The following GPR158 variants were observed in gnomAD, a reference collection of about 807,000 sequenced individuals.
GPR158 encodes the protein metabotropic glycine receptor.
GPR158 carries 30 observed loss-of-function variants against 78.2 expected under a neutral mutation model. The observed-to-expected ratio is 0.38, with a 90% confidence interval of 0.29 to 0.52. The LOEUF (loss-of-function observed/expected upper bound fraction) is 0.52, where lower values mean the gene tolerates loss of function less well. Among genes scored for constraint, GPR158 ranks in the 20% least tolerant of loss-of-function variants. The pLI is 0.83. For synonymous variants in GPR158, 581 were observed against 591.1 expected, an observed-to-expected ratio of 0.98 and a Z score of 0.25; for missense variants, 1,463 against 1,523.5, an observed-to-expected ratio of 0.96 and a Z score of 0.66.
At chr10:25,185,844 T>G (rs2130634224) in intron 1 of GPR158, among the ~76,000 whole-genome samples, 1 of 152,060 alleles carries the variant, frequency 6.6e-6, no homozygotes. Flanking sequence ...CTTGTTAACT[T>G]TCTGTCTCGT....
chr10:25,310,849 G>C (rs746469967), intron 2 of GPR158, among the ~76,000 whole-genome samples: 1 of 151,968 alleles, frequency 6.6e-6, no homozygotes, highest in Non-Finnish European at 1.5e-5. Flanking sequence ...TGTAAGAGTT[G>C]TATTTATGTC....
At chr10:25,267,951 CT>C (rs769776457) in intron 2 of GPR158, among the ~76,000 whole-genome samples, 243 of 152,136 alleles carry the variant, frequency 1.6e-3, no homozygotes, top group Middle Eastern at 3.4e-3. Context: ...AGTTGTTACT[CT>C]TAATTTTATT....
intron 1 of GPR158, among the ~76,000 whole-genome samples, chr10:25,181,497 G>C (rs766437320): frequency 6.6e-6 from 1 of 152,108 alleles, no homozygotes; most frequent in Non-Finnish European, 1.5e-5. Context: ...CATTATGAAG[G>C]CTTGTGATGG....
At chr10:25,537,317 T>C (rs187713675) in intron 5 of GPR158, among the ~76,000 whole-genome samples, 34 of 152,304 alleles carry the variant, frequency 2.2e-4, no homozygotes, top group African/African-American at 8.2e-4. Flanking sequence ...CCTAATAAGA[T>C]TATCTTATTT....
rs558281200 is a variant in GPR158 at position 25,175,641 on chromosome 10, T to C, written c.221T>C (p.Leu74Pro). ...STDGTILAQKLAEEVPMDVAS... is the reference protein window; with the variant it reads ...STDGTILAQKPAEEVPMDVAS... ...GATGGCACCATCTTGGCGCAGAAAC[T>C]CGCCGAGGAGGTGCCCATGGACGTG... Residue 74 changes from leucine (L) to proline (P), a missense_variant, in exon 1 of 11, where the codon CTC becomes CCC. Coordinates refer to ENST00000376351, the MANE Select transcript of GPR158 (RefSeq NM_020752.3). This position sits in a 1 kb window ranked among gnomAD's most constrained non-coding sequence, Gnocchi z 6.4. 3 of 1,611,222 alleles carry C rather than the reference T, an allele frequency of 1.9e-6. No homozygotes were observed. The highest frequency in any genetic ancestry group is 2.2e-5 in the South Asian group (2 of 91,068).
At chr10:25,216,470 T>G (rs1161495899) in intron 1 of GPR158, among the ~76,000 whole-genome samples, 1 of 151,174 alleles carries the variant, frequency 6.6e-6, no homozygotes, top group Non-Finnish European at 1.5e-5. Context: ...GGGTATTTTT[T>G]GGGGGTGGGG....
Position 25,212,594 on chromosome 10 carries a change from T to G in GPR158, c.903-8458T>G, listed in dbSNP as rs1853147620. ...TCAAAATTTTTCCATAGAGGTTTTG[T>G]GTATTCTTACTTAACTACTAGAGAA... On this transcript the variant is annotated intron_variant, in intron 1 of 10. Transcript: ENST00000376351. 2.0e-5 allele frequency among the ~76,000 whole-genome samples: 3 copies of G among 151,998 alleles called. No individual in the cohort carries two copies. In the South Asian group the frequency reaches 6.2e-4, roughly 32 times the overall value.
chr10:25,469,934 G>A (rs535201783), intron 5 of GPR158, among the ~76,000 whole-genome samples: 11 of 151,442 alleles, frequency 7.3e-5, no homozygotes, highest in South Asian at 4.2e-4. Context: ...CATGCTAGCC[G>A]CCTAGAATCT....
At chr10:25,393,027 G>A (rs1678936322) in intron 2 of GPR158, among the ~76,000 whole-genome samples, 2 of 152,060 alleles carry the variant, frequency 1.3e-5, no homozygotes, top group Admixed American at 6.5e-5. Flanking sequence ...ACAAGTTTGA[G>A]GTAGCTAATA....
intron 2 of GPR158, among the ~76,000 whole-genome samples, chr10:25,394,041 G>C (rs1834337191): frequency 6.6e-6 from 1 of 152,170 alleles, no homozygotes; most frequent in African/African-American, 2.4e-5. Flanking sequence ...ACTTCACCGT[G>C]AGCATTTCCA....
intron 6 of GPR158, among the ~76,000 whole-genome samples, chr10:25,567,767 G>C (rs1224083596): frequency 1.3e-5 from 2 of 152,168 alleles, no homozygotes. Flanking sequence ...TGGAGAGCCA[G>C]TGATTGTAAA....
chr10:25,494,998 G>A (rs142871789), intron 5 of GPR158, among the ~76,000 whole-genome samples: 47 of 152,234 alleles, frequency 3.1e-4, no homozygotes, highest in Non-Finnish European at 5.7e-4. Flanking sequence ...CCCTGGGAAA[G>A]ACAAATTTAA....
chr10:25,460,101 TAAAA>T (rs796200237), intron 4 of GPR158, among the ~76,000 whole-genome samples: 24 of 152,226 alleles, frequency 1.6e-4, no homozygotes, highest in African/African-American at 5.5e-4. Flanking sequence ...TGGTGCCAAA[TAAAA>T]ACTCATTAAA....
At chr10:25,226,508 A>G (rs569026680) in intron 2 of GPR158, among the ~76,000 whole-genome samples, 1 of 152,342 alleles carries the variant, frequency 6.6e-6, no homozygotes, top group South Asian at 2.1e-4. Flanking sequence ...TGCAATTGAA[A>G]CTAAGTAATG....
intron 2 of GPR158, among the ~76,000 whole-genome samples, chr10:25,293,858 G>A (rs1564413283): frequency 6.6e-6 from 1 of 151,492 alleles, no homozygotes; most frequent in Non-Finnish European, 1.5e-5. Flanking sequence ...TGATTCTCCT[G>A]CCTCAGCCTC....
intron 2 of GPR158, among the ~76,000 whole-genome samples, chr10:25,383,146 A>G (rs1834179162): frequency 6.6e-6 from 1 of 152,196 alleles, no homozygotes; most frequent in South Asian, 2.1e-4. Context: ...AGATGAGAAG[A>G]TTCAACGTTT....
At position 25,297,663 on chromosome 10, in the gene GPR158, G is replaced by A. The variant is rs146012928; in HGVS notation, c.1008+76506G>A. ...CAAAGTTCAGATGGAGATTAAAGAC[G>A]CAGGTGAATCAGTTTAGTTACTAGG... On this transcript the variant is annotated intron_variant, in intron 2 of 10. Coordinates refer to ENST00000376351, the MANE Select transcript of GPR158 (RefSeq NM_020752.3). Among the ~76,000 whole-genome samples the A allele has an allele frequency of 6.5e-3, 995 of 152,262 alleles. 10 individuals are homozygous for A. Among genetic ancestry groups the A allele is most frequent in the African/African-American group, 0.023 (937 of 41,552 alleles).
chr10:25,283,982 T>G (rs1175783180), intron 2 of GPR158, among the ~76,000 whole-genome samples: 1 of 152,074 alleles, frequency 6.6e-6, no homozygotes, highest in Non-Finnish European at 1.5e-5. Flanking sequence ...AAAACATACT[T>G]TGTGTGGTAT....
intron 5 of GPR158, among the ~76,000 whole-genome samples, chr10:25,504,063 G>T (rs1208303669): frequency 6.6e-6 from 1 of 151,604 alleles, no homozygotes; most frequent in Non-Finnish European, 1.5e-5. Flanking sequence ...GCTAATTTTT[G>T]TATTATTAAT....
Sources: gnomAD v4.1 joint callset for allele counts (sites outside exome capture counted in the v4.1 genomes callset) on GRCh38, gnomAD v4.1.1 for gene constraint, Gnocchi (gnomAD v3.1) non-coding constraint, MANE v1.5 for transcripts, NCBI Gene and HGNC (gene_info 2026-07-23, HGNC 2026-07-21) for gene names.